The following GPC6 variants were observed in gnomAD, a reference collection of about 807,000 sequenced individuals.
GPC6 encodes glypican-6.
A neutral mutation model predicts 55.2 loss-of-function variants in GPC6; 14 were observed. The ratio of observed to expected loss-of-function variants is 0.25; its 90% confidence interval spans 0.17 to 0.40. The LOEUF (loss-of-function observed/expected upper bound fraction) is 0.40, where lower values mean the gene tolerates loss of function less well. Among genes scored for constraint, GPC6 ranks in the 10% least tolerant of loss-of-function variants. The probability of loss-of-function intolerance (pLI) is 1.00; values close to 1 mark genes in which losing one functional copy is unlikely to be tolerated. For missense variants in GPC6, 641 were observed against 708.5 expected (o/e 0.90, Z 1.08); for synonymous variants, 278 against 259.6 (o/e 1.07, Z -0.68).
At chr13:94,272,894 C>A (rs2139067001) in intron 4 of GPC6, among the ~76,000 whole-genome samples, 1 of 152,192 alleles carries the variant, frequency 6.6e-6, no homozygotes, top group Non-Finnish European at 1.5e-5. Context: ...ACATGCCCAG[C>A]CACATCACCA....
chr13:93,503,734 G>A (rs1220813229), intron 1 of GPC6, among the ~76,000 whole-genome samples: 1 of 152,132 alleles, frequency 6.6e-6, no homozygotes. Context: ...GAGTGGTACA[G>A]CATTGACGGA....
chr13:94,220,032 G>C, intron 4 of GPC6, among the ~76,000 whole-genome samples: 1 of 152,048 alleles, frequency 6.6e-6, no homozygotes, highest in Non-Finnish European at 1.5e-5. Context: ...ATACCTAAAA[G>C]ATAACTCAAC....
At chr13:93,372,985 T>C (rs534258889) in intron 1 of GPC6, among the ~76,000 whole-genome samples, 2 of 152,310 alleles carry the variant, frequency 1.3e-5, no homozygotes, top group Admixed American at 6.5e-5. Context: ...TGCAGGGTCG[T>C]CTTTCCTTCA....
At chr13:93,904,165 G>A (rs1876509592) in intron 3 of GPC6, among the ~76,000 whole-genome samples, 1 of 152,086 alleles carries the variant, frequency 6.6e-6, no homozygotes, top group South Asian at 2.1e-4. Flanking sequence ...AGAATCCTGG[G>A]CTGTCACCAC....
chr13:93,327,404 T>C (rs1879691834), intron 1 of GPC6, among the ~76,000 whole-genome samples: 1 of 152,164 alleles, frequency 6.6e-6, no homozygotes, highest in African/African-American at 2.4e-5. Flanking sequence ...CACTTCTTAG[T>C]TGGGTTTGCA....
intron 1 of GPC6, among the ~76,000 whole-genome samples, chr13:93,268,268 A>G (rs1877392361): frequency 6.6e-6 from 1 of 152,140 alleles, no homozygotes; most frequent in Non-Finnish European, 1.5e-5. Flanking sequence ...TTCCAATGCC[A>G]TTTGGTCAAG....
chr13:93,639,479 T>A (rs1879821585), intron 2 of GPC6, among the ~76,000 whole-genome samples: 1 of 152,126 alleles, frequency 6.6e-6, no homozygotes, highest in African/African-American at 2.4e-5. Flanking sequence ...TATTCCGTGT[T>A]ATCTGATTTG....
At chr13:93,463,508 G>T (rs1878781276) in intron 1 of GPC6, among the ~76,000 whole-genome samples, 1 of 152,166 alleles carries the variant, frequency 6.6e-6, no homozygotes, top group South Asian at 2.1e-4. Context: ...TTCTTGTGTA[G>T]CCCAGGTCTC....
chr13:93,703,296 G>A (rs911708886), intron 2 of GPC6, among the ~76,000 whole-genome samples: 2 of 151,820 alleles, frequency 1.3e-5, no homozygotes, highest in Non-Finnish European at 2.9e-5. Context: ...TTATATGTAC[G>A]AGGCTAGTAG....
intron 2 of GPC6, among the ~76,000 whole-genome samples, chr13:93,649,408 C>T (rs191107911): frequency 1.1e-4 from 17 of 152,288 alleles, no homozygotes; most frequent in African/African-American, 4.1e-4. Context: ...GCTGTAATCA[C>T]CACTGCACTC....
intron 2 of GPC6, among the ~76,000 whole-genome samples, chr13:93,666,847 A>T (rs531514187): frequency 7.9e-4 from 121 of 152,334 alleles, no homozygotes; most frequent in Non-Finnish European, 1.4e-3. Flanking sequence ...ATTATGGTTT[A>T]TGCTGTCTGC....
chr13:93,805,816 T>A (rs1016951153), intron 2 of GPC6, among the ~76,000 whole-genome samples: 1 of 152,194 alleles, frequency 6.6e-6, no homozygotes, highest in Non-Finnish European at 1.5e-5. Context: ...CTTAATTCCC[T>A]CATTTGTTCC....
chr13:93,407,677 T>C (rs1410923418), intron 1 of GPC6, among the ~76,000 whole-genome samples: 2 of 152,200 alleles, frequency 1.3e-5, no homozygotes, highest in Non-Finnish European at 2.9e-5. Context: ...CTGTATGTTA[T>C]GTGGCATTAT....
At chr13:93,280,018 C>T (rs1040784377) in intron 1 of GPC6, among the ~76,000 whole-genome samples, 1 of 152,156 alleles carries the variant, frequency 6.6e-6, no homozygotes, top group Non-Finnish European at 1.5e-5. Flanking sequence ...TATAAGGATA[C>T]CTGCTTGGTC....
chr13:94,357,453 G>A (rs1293266749), intron 6 of GPC6, among the ~76,000 whole-genome samples: 2 of 152,168 alleles, frequency 1.3e-5, no homozygotes, highest in Non-Finnish European at 2.9e-5. Flanking sequence ...TGCTCCGCGG[G>A]TAATACTTAT....
chr13:93,793,114 G>T lies in GPC6; in HGVS notation c.320-37040G>T, dbSNP rs371332059. On this transcript the variant is annotated intron_variant, in intron 2 of 8. Coordinates refer to ENST00000377047, the MANE Select transcript of GPC6 (RefSeq NM_005708.5). The stretch of plus-strand genomic sequence containing the variant: ...CTATGATAGACATTTTCTAGGTCAC[G>T]TTCTGAACATCTTGAGATATCTGTT... 2.0e-5 allele frequency among the ~76,000 whole-genome samples: 3 copies of T among 152,264 alleles called. No individual in the cohort carries two copies. In the East Asian group the frequency reaches 5.8e-4, roughly 29 times the overall value.
chr13:94,312,391 G>T (rs1227890134), intron 6 of GPC6, among the ~76,000 whole-genome samples: 1 of 152,204 alleles, frequency 6.6e-6, no homozygotes, highest in Non-Finnish European at 1.5e-5. Flanking sequence ...CTGCCTGATG[G>T]TTAGTACCAG....
At chr13:93,572,355 A>G (rs894356651) in intron 2 of GPC6, among the ~76,000 whole-genome samples, 1 of 152,106 alleles carries the variant, frequency 6.6e-6, no homozygotes, top group Admixed American at 6.6e-5. Flanking sequence ...ACGCTTGGGG[A>G]TAAAATGAAA....
At chr13:93,290,322 A>G (rs913949536) in intron 1 of GPC6, among the ~76,000 whole-genome samples, 1 of 152,188 alleles carries the variant, frequency 6.6e-6, no homozygotes, top group African/African-American at 2.4e-5. Flanking sequence ...ACGCTGGGGC[A>G]TATCAATTAA....
Sources: allele counts gnomAD v4.1 joint callset (sites outside exome capture counted in the v4.1 genomes callset), GRCh38; gene constraint gnomAD v4.1.1; transcripts MANE v1.5; gene names NCBI Gene and HGNC (gene_info 2026-07-23, HGNC 2026-07-21).